Variants in FBXL17 observed in about 807,000 individuals in gnomAD.
FBXL17 encodes the protein F-box and leucine rich repeat protein 17.
FBXL17 carries 22 observed loss-of-function variants against 66.2 expected under a neutral mutation model. The observed-to-expected ratio is 0.33, with a 90% CI of 0.24 to 0.47. The LOEUF (loss-of-function observed/expected upper bound fraction) is 0.47, where lower values mean the gene tolerates loss of function less well. Among genes scored for constraint, FBXL17 ranks in the 20% least tolerant of loss-of-function variants. The pLI, the probability that FBXL17 is intolerant of heterozygous loss-of-function variation, is 1.00. For synonymous variants in FBXL17, 474 were observed against 400.5 expected (o/e 1.18, Z -2.19); for missense variants, 878 against 948.2 (o/e 0.93, Z 0.97).
At chr5:108,362,801 G>A (rs1206529905) in intron 3 of FBXL17, among the ~76,000 whole-genome samples, 1 of 151,918 alleles carries the variant, frequency 6.6e-6, no homozygotes, top group Non-Finnish European at 1.5e-5. Context: ...TTTGGTATCC[G>A]CTAAAGTCAA....
At chr5:108,276,402 G>A (rs1262001883) in intron 4 of FBXL17, among the ~76,000 whole-genome samples, 2 of 152,098 alleles carry the variant, frequency 1.3e-5, no homozygotes, top group Non-Finnish European at 2.9e-5. Context: ...AAACTAAATT[G>A]CCTGTCAATA....
chr5:108,139,694 A>G (rs1561429737), intron 6 of FBXL17, among the ~76,000 whole-genome samples: 1 of 152,234 alleles, frequency 6.6e-6, no homozygotes, highest in Admixed American at 6.5e-5. Context: ...GAGGATCTCA[A>G]GCCTGCATTC....
intron 6 of FBXL17, among the ~76,000 whole-genome samples, chr5:108,122,258 T>A (rs193245442): frequency 6.6e-6 from 1 of 152,266 alleles, no homozygotes. Flanking sequence ...ATTTTAAACA[T>A]GAAAACGCTC....
chr5:108,358,339 G>A (rs1403563042), intron 3 of FBXL17, among the ~76,000 whole-genome samples: 1 of 152,058 alleles, frequency 6.6e-6, no homozygotes. Context: ...ATTATGATGA[G>A]GAAGCATCAC....
chr5:108,357,857 A>G (rs1257005112), intron 3 of FBXL17, among the ~76,000 whole-genome samples: 3 of 145,110 alleles, frequency 2.1e-5, no homozygotes, highest in African/African-American at 7.8e-5. Context: ...AAATTTGAAC[A>G]TATTTTGAAC....
intron 4 of FBXL17, among the ~76,000 whole-genome samples, chr5:108,241,208 G>A (rs1379475135): frequency 6.6e-6 from 1 of 152,184 alleles, no homozygotes; most frequent in Non-Finnish European, 1.5e-5. Context: ...CTTTCAAAGA[G>A]AATTCAAAAT....
chr5:108,057,409 T>C lies in FBXL17; in HGVS notation c.1746-36408A>G, dbSNP rs535450390. ...ATTTAAAGACAGTTTCCCAGAGTTCTAAAAATGTAGTTTTTAAGCCTCTCA... is the reference window on the plus strand; with the variant it reads ...ATTTAAAGACAGTTTCCCAGAGTTCCAAAAATGTAGTTTTTAAGCCTCTCA... On this transcript the variant is annotated intron_variant, in intron 6 of 8. Coordinates refer to ENST00000542267, the MANE Select transcript of FBXL17 (RefSeq NM_001163315.3). Among the ~76,000 whole-genome samples, 8 of 152,312 alleles carry C rather than the reference T, an allele frequency of 5.3e-5. No individual in the cohort carries two copies. The East Asian group carries it at 1.5e-3, about 29-fold the overall frequency.
chr5:108,274,822 C>A (rs762102154), intron 4 of FBXL17, among the ~76,000 whole-genome samples: 1 of 152,290 alleles, frequency 6.6e-6, no homozygotes, highest in East Asian at 1.9e-4. Context: ...TCCCTGACTT[C>A]CCGCAACAAA....
chr5:108,137,108 T>C (rs1313409120), intron 6 of FBXL17, among the ~76,000 whole-genome samples: 1 of 152,216 alleles, frequency 6.6e-6, no homozygotes, highest in Non-Finnish European at 1.5e-5. Context: ...CTTAATTCTC[T>C]ATGAACTAAA....
chr5:108,216,185 G>A (rs1754592155), intron 5 of FBXL17, among the ~76,000 whole-genome samples: 1 of 151,658 alleles, frequency 6.6e-6, no homozygotes, highest in African/African-American at 2.4e-5. Context: ...CAGTTGTCCT[G>A]CAATTCAATA....
chr5:108,083,992 T>C (rs757466572), intron 6 of FBXL17, among the ~76,000 whole-genome samples: 3 of 152,192 alleles, frequency 2.0e-5, no homozygotes, highest in Non-Finnish European at 4.4e-5. Context: ...TTCCGACTGA[T>C]TTTCATAAGA....
chr5:108,357,069 T>C (rs1302898973), intron 3 of FBXL17, among the ~76,000 whole-genome samples: 1 of 152,024 alleles, frequency 6.6e-6, no homozygotes, highest in Non-Finnish European at 1.5e-5. Flanking sequence ...AAAAGTGATC[T>C]GAACAGTGAA....
chr5:107,878,249 T>G, intron 8 of FBXL17: 2 of 964,388 alleles, frequency 2.1e-6, no homozygotes, highest in Non-Finnish European at 2.5e-6. Context: ...TTTTCCTTTC[T>G]TTTTAATTGT....
intron 6 of FBXL17, among the ~76,000 whole-genome samples, chr5:108,074,178 T>A (rs982875780): frequency 1.3e-5 from 2 of 152,228 alleles, no homozygotes; most frequent in African/African-American, 4.8e-5. Flanking sequence ...CATTTTGGTT[T>A]GATATTTGTG....
chr5:107,889,752 T>C (rs376696518), intron 7 of FBXL17, among the ~76,000 whole-genome samples: 47 of 152,338 alleles, frequency 3.1e-4, no homozygotes, highest in Middle Eastern at 3.4e-3. Flanking sequence ...TTTAAACAAA[T>C]GTCTTAAGCA....
chr5:108,047,375 C>T lies in FBXL17; in HGVS notation c.1746-26374G>A, dbSNP rs553234226. Among the ~76,000 whole-genome samples, 56 of 152,346 alleles carry T rather than the reference C, an allele frequency of 3.7e-4. No homozygotes were observed. In the South Asian group the frequency reaches 0.012, roughly 32 times the overall value. ...CTAGGGTCCCAACCCCAGAGTGACGCAGATTCTCAACAGCCTCTCAGCTAG... is the reference window on the plus strand; with the variant it reads ...CTAGGGTCCCAACCCCAGAGTGACGTAGATTCTCAACAGCCTCTCAGCTAG... On this transcript the variant is annotated intron_variant, in intron 6 of 8. Coordinates refer to ENST00000542267, the MANE Select transcript of FBXL17 (RefSeq NM_001163315.3).
rs1453063182 is a variant in FBXL17 at position 108,179,813 on chromosome 5, ACTAT to A, written c.1745+6300_1745+6303del. On this transcript the variant is annotated intron_variant, in intron 6 of 8. Coordinates refer to ENST00000542267, the MANE Select transcript of FBXL17 (RefSeq NM_001163315.3). ...ATAACTAATTTAGGTAGACTAATGA[ACTAT>A]TATTTTTTAATATATTTTACCAGAC... is the stretch of plus-strand genomic sequence containing the variant. Among the ~76,000 whole-genome samples, 8 of 152,336 alleles carry A rather than the reference ACTAT, an allele frequency of 5.3e-5. No individual in the cohort carries two copies. In the East Asian group the frequency reaches 1.5e-3, roughly 29 times the overall value.
At chr5:108,309,477 A>G (rs1179868668) in intron 4 of FBXL17, among the ~76,000 whole-genome samples, 1 of 151,988 alleles carries the variant, frequency 6.6e-6, no homozygotes, top group African/African-American at 2.4e-5. Flanking sequence ...GGAAACAATC[A>G]AGATGCCTAC....
intron 3 of FBXL17, among the ~76,000 whole-genome samples, chr5:108,351,552 C>A (rs111918803): frequency 9.2e-5 from 14 of 152,264 alleles, no homozygotes; most frequent in African/African-American, 3.4e-4. Flanking sequence ...CTATTTGGGG[C>A]CACTCTGCTG....
Sources: allele counts gnomAD v4.1 joint callset (sites outside exome capture counted in the v4.1 genomes callset), GRCh38; gene constraint gnomAD v4.1.1; transcripts MANE v1.5; gene names NCBI Gene and HGNC (gene_info 2026-07-23, HGNC 2026-07-21).